Variants in SLC2A14 observed in about 807,000 individuals in gnomAD.
The protein encoded by SLC2A14 is solute carrier family 2, facilitated glucose transporter member 14.
Under a neutral mutation model 43.0 loss-of-function variants are expected in SLC2A14, and 13 were observed. The observed-to-expected ratio is 0.30, with a 90% CI of 0.20 to 0.48. The LOEUF (loss-of-function observed/expected upper bound fraction) is 0.48, where lower values mean the gene tolerates loss of function less well. Ranked by LOEUF, SLC2A14 falls within the 20% of genes least tolerant of loss-of-function variation. The pLI, the probability that SLC2A14 is intolerant of heterozygous loss-of-function variation, is 0.99. For synonymous variants in SLC2A14, 190 were observed against 233.8 expected (o/e 0.81, Z 1.71); for missense variants, 428 against 620.4 (o/e 0.69, Z 3.29).
intron 10 of SLC2A14, among the ~76,000 whole-genome samples, chr12:7,815,709 T>C (rs12228543): frequency 0.52 from 78,324 of 151,450 alleles, 20,744 homozygotes; most frequent in Non-Finnish European, 0.59. Context: ...CCTGAGTAGC[T>C]GGGATTACAG....
rs11056338 is a variant in SLC2A14 at position 7,887,601 on chromosome 12, A to T, written c.132+3395T>A. ...GATAGATAGATAGATAGATAGATAG[A>T]TAGATAGATAGTTAGATAGATAGAT... is the stretch of plus-strand genomic sequence containing the variant. On this transcript the variant is annotated intron_variant, in intron 1 of 9. Coordinates refer to the SLC2A14 transcript ENST00000539924. 4.8e-5 allele frequency among the ~76,000 whole-genome samples: 5 copies of T among 104,924 alleles called. No individual in the cohort carries two copies. The South Asian group carries it at 1.5e-3, about 31-fold the overall frequency. 68.8% of individuals were successfully genotyped at this position (104,924 alleles called of 152,430 possible).
intron 1 of SLC2A14, chr12:7,870,926 G>A (rs986141681): frequency 1.1e-5 from 15 of 1,418,916 alleles, no homozygotes; most frequent in South Asian, 9.1e-5. Flanking sequence ...CAATGTCTTC[G>A]TGATGTTCGA....
At chr12:7,847,382 A>G (rs1866558734) in intron 2 of SLC2A14, among the ~76,000 whole-genome samples, 2 of 152,162 alleles carry the variant, frequency 1.3e-5, no homozygotes, top group South Asian at 4.1e-4. Context: ...ACTAGCTTTA[A>G]GAAGAAAAAA....
intron 2 of SLC2A14, among the ~76,000 whole-genome samples, chr12:7,866,329 C>G (rs1944907295): frequency 6.6e-6 from 1 of 151,640 alleles, no homozygotes; most frequent in Non-Finnish European, 1.5e-5. Flanking sequence ...TAAGCCAAAG[C>G]CTAATCCAGA....
At chr12:7,850,154 AAAGAT>A (rs1446599412) in intron 2 of SLC2A14, among the ~76,000 whole-genome samples, 20 of 152,058 alleles carry the variant, frequency 1.3e-4, no homozygotes, top group Non-Finnish European at 2.9e-4. Flanking sequence ...GATAAGAGAT[AAAGAT>A]TAGACAAGAG....
In SLC2A14 at chr12:7,872,744, C is replaced by G. The variant is rs1040080456; in HGVS notation, c.-58+63G>C. Reference sequence around the variant, plus strand: ...CACCTCTACTCTAGCTCGGCCACCTCTACCCCAGCTCAGGTCCTCATTCCC... The same window carrying G: ...CACCTCTACTCTAGCTCGGCCACCTGTACCCCAGCTCAGGTCCTCATTCCC... On this transcript the variant is annotated intron_variant, in intron 1 of 10. Transcript: ENST00000431042. The G allele has an allele frequency of 3.1e-6, 3 of 983,472 alleles. No individual in the cohort carries two copies. The African/African-American group carries it at 5.2e-5, about 17-fold the overall frequency. The allele number at this position is 983,472 out of a possible 1,614,324, so 60.9% of individuals were successfully genotyped here.
chr12:7,874,432 G>C (rs755911494), upstream of SLC2A14, among the ~76,000 whole-genome samples: 1 of 151,984 alleles, frequency 6.6e-6, no homozygotes, highest in African/African-American at 2.4e-5. Flanking sequence ...CCAGCACTTT[G>C]GGAGGCCGAG....
intron 2 of SLC2A14, among the ~76,000 whole-genome samples, chr12:7,835,256 G>T (rs1417747529): frequency 1.3e-5 from 2 of 152,150 alleles, no homozygotes; most frequent in African/African-American, 4.8e-5. Flanking sequence ...CCGTGATGGC[G>T]TGCGCCTGTA....
At chr12:7,870,876 AAGACCACCAAGAAGCGAC>A in intron 1 of SLC2A14, 2 of 1,270,976 alleles carry the variant, frequency 1.6e-6, no homozygotes, top group Non-Finnish European at 2.0e-6. Flanking sequence ...GACCAAAGCC[AAGACCACCAAGAAGCGAC>A]CACAGCACAA....
upstream of SLC2A14, among the ~76,000 whole-genome samples, chr12:7,874,882 A>G (rs1407884586): frequency 2.5e-3 from 210 of 85,378 alleles, no homozygotes; most frequent in African/African-American, 3.6e-3. Flanking sequence ...ATATAAATAT[A>G]TATTTATATA....
At chr12:7,821,134 A>G in intron 8 of SLC2A14, 87 bp downstream of exon 8, 1 of 989,584 alleles carries the variant, frequency 1.0e-6, no homozygotes, top group Non-Finnish European at 1.5e-6. Context: ...GTGTAACTAA[A>G]TAACGGTGGA....
At chr12:7,819,347 C>T in intron 9 of SLC2A14, 135 bp downstream of exon 9, 1 of 1,483,036 alleles carries the variant, frequency 6.7e-7, no homozygotes, top group Non-Finnish European at 9.1e-7. Context: ...TTCTTAAAAA[C>T]TCTGGGCATC....
intron 2 of SLC2A14, among the ~76,000 whole-genome samples, chr12:7,847,600 T>C (rs1866571975): frequency 6.6e-6 from 1 of 152,152 alleles, no homozygotes; most frequent in Admixed American, 6.5e-5. Flanking sequence ...TCAGTCTTCA[T>C]AGTTTCTCTG....
intron 2 of SLC2A14, among the ~76,000 whole-genome samples, chr12:7,854,797 A>G (rs1867219466): frequency 6.6e-6 from 1 of 151,214 alleles, no homozygotes; most frequent in African/African-American, 2.4e-5. Context: ...GATTACAGGC[A>G]TCTCACTTTA....
intron 2 of SLC2A14, among the ~76,000 whole-genome samples, chr12:7,853,391 T>C (rs986367192): frequency 2.1e-5 from 3 of 141,580 alleles, no homozygotes; most frequent in Non-Finnish European, 4.5e-5. Context: ...GATCATGCCA[T>C]TGCACTCCAG....
Position 7,855,360 on chromosome 12 carries a change from C to G in SLC2A14, c.18+14503G>C, listed in dbSNP as rs529858249. ...CCCTATGTTGCCCATAGACTGGTCT[C>G]AAACTCCTGAGCTCAAGCCATCTTC... On this transcript the variant is annotated intron_variant, in intron 2 of 10. Transcript: ENST00000431042. Among the ~76,000 whole-genome samples the G allele has an allele frequency of 1.8e-4, 27 of 152,198 alleles. 1 individual carries two copies. The highest frequency in any genetic ancestry group is 6.3e-4 in the African/African-American group (26 of 41,550).
chr12:7,882,069 G>A (rs1346727234), intron 1 of SLC2A14, among the ~76,000 whole-genome samples: 1 of 152,074 alleles, frequency 6.6e-6, no homozygotes, highest in East Asian at 1.9e-4. Flanking sequence ...TAACATGTTG[G>A]CCTCCCTTTC....
At chr12:7,888,592 G>A (rs764733883) in intron 1 of SLC2A14, among the ~76,000 whole-genome samples, 9 of 152,124 alleles carry the variant, frequency 5.9e-5, no homozygotes, top group East Asian at 1.9e-4. Flanking sequence ...AAGGTCAAGA[G>A]ATCGAGACCA....
At chr12:7,826,855 T>TTCC (rs1447800640) in intron 7 of SLC2A14, among the ~76,000 whole-genome samples, 6,777 of 36,830 alleles carry the variant, frequency 0.18, 1,094 homozygotes, top group Admixed American at 0.26. Context: ...CCTTCCTTCC[T>TTCC]TTCTTTTTTC....
Sources: gnomAD v4.1 joint callset for allele counts (sites outside exome capture counted in the v4.1 genomes callset) on GRCh38, gnomAD v4.1.1 for gene constraint, MANE v1.5 for transcripts, NCBI Gene and HGNC (gene_info 2026-07-23, HGNC 2026-07-21) for gene names.